MYL2: variants seen among roughly 807,000 people sequenced by gnomAD.
MYL2 encodes myosin light chain 2.
In MYL2, 19 loss-of-function variants were observed where a neutral mutation model predicts 23.0. The ratio of observed to expected loss-of-function variants is 0.83; its 90% confidence interval spans 0.58 to 1.21. The LOEUF (loss-of-function observed/expected upper bound fraction) is 1.21, where lower values mean the gene tolerates loss of function less well. Ranked by LOEUF, MYL2 falls within the 50% of genes most tolerant of loss-of-function variation. The pLI, the probability that MYL2 is intolerant of heterozygous loss-of-function variation, is 0.00. For missense variants in MYL2, 180 were observed against 215.1 expected (o/e 0.84, Z 1.02); for synonymous variants, 78 against 76.2 (o/e 1.02, Z -0.13).
rs750901433 is a variant in MYL2 at position 110,913,260 on chromosome 12, C to A, written c.339G>T (p.Val113=). 6.2e-7 allele frequency: 1 copy of A among 1,614,242 alleles called. No individual in the cohort carries two copies. Among genetic ancestry groups the A allele is most frequent in the South Asian group, 1.1e-5 (1 of 91,090 alleles). ...FKVFDPEGKG[V]LKADYVREML... ...ACCCCACTCACTAATCAGCCTTCAG[C>A]ACCCCTTTGCCTTCAGGGTCAAACA... Residue 113 remains valine, a synonymous_variant, in exon 5 of 7, where the codon GTG becomes GTT. Transcript: ENST00000228841.
intron 6 of MYL2, among the ~76,000 whole-genome samples, chr12:110,912,582 C>G (rs1375190509): frequency 1.3e-5 from 2 of 152,174 alleles, no homozygotes; most frequent in Non-Finnish European, 2.9e-5. Flanking sequence ...ATTTTTGAGA[C>G]AGAGTCTTGC....
Position 110,920,562 on chromosome 12 carries a change from G to A in MYL2, c.-33C>T. Reference sequence around the variant, plus strand: ...AGGACCCAGCACTGCCTCCCGAGAAGAATTCCACACTCCGCCCAGCTCTCT... The same window carrying A: ...AGGACCCAGCACTGCCTCCCGAGAAAAATTCCACACTCCGCCCAGCTCTCT... On this transcript the variant is annotated 5_prime_UTR_variant, in exon 1 of 7. Transcript: ENST00000228841. The A allele has an allele frequency of 1.2e-6, 2 of 1,614,132 alleles. No individual in the cohort carries two copies. Among genetic ancestry groups the A allele is most frequent in the Non-Finnish European group, 1.7e-6 (2 of 1,180,032 alleles).
At chr12:110,915,256 T>C (rs781677406) in intron 3 of MYL2, among the ~76,000 whole-genome samples, 1 of 152,196 alleles carries the variant, frequency 6.6e-6, no homozygotes, top group Non-Finnish European at 1.5e-5. Context: ...AGAAACTCCA[T>C]GTACTCATGC....
chr12:110,920,968 T>C (rs1592803509), upstream of MYL2, among the ~76,000 whole-genome samples: 1 of 152,218 alleles, frequency 6.6e-6, no homozygotes, highest in East Asian at 1.9e-4. Flanking sequence ...GGAATGTCTT[T>C]CTGTCAGTCA....
At chr12:110,911,946 C>T (rs1468135606) in intron 6 of MYL2, among the ~76,000 whole-genome samples, 5 of 152,202 alleles carry the variant, frequency 3.3e-5, no homozygotes, top group African/African-American at 1.2e-4. Context: ...ATTAACATGT[C>T]GAATCCTCGC....
rs564126602 is a variant in MYL2 at position 110,918,671 on chromosome 12, A to G, written c.93+433T>C. ...TAACCATAGGAAATGGTTTAAATACATGATAGGAAATGTTAATGGTGAATT... is the reference window on the plus strand; with the variant it reads ...TAACCATAGGAAATGGTTTAAATACGTGATAGGAAATGTTAATGGTGAATT... On this transcript the variant is annotated intron_variant, in intron 2 of 6. Transcript: ENST00000228841. This position sits in a 1 kb window ranked among gnomAD's most constrained non-coding sequence, Gnocchi z 4.4. Among the ~76,000 whole-genome samples the G allele has an allele frequency of 1.3e-5, 2 of 152,370 alleles. No individual in the cohort carries two copies. Among genetic ancestry groups the G allele is most frequent in the South Asian group, 4.1e-4 (2 of 4,832 alleles).
chr12:110,920,559 G>A lies in MYL2; in HGVS notation c.-30C>T. 1 of 1,614,094 alleles carries A rather than the reference G, an allele frequency of 6.2e-7. No homozygotes were observed. Among genetic ancestry groups the A allele is most frequent in the Non-Finnish European group, 8.5e-7 (1 of 1,180,024 alleles). Reference sequence around the variant, plus strand: ...GAAAGGACCCAGCACTGCCTCCCGAGAAGAATTCCACACTCCGCCCAGCTC... The same window carrying A: ...GAAAGGACCCAGCACTGCCTCCCGAAAAGAATTCCACACTCCGCCCAGCTC... On this transcript the variant is annotated 5_prime_UTR_variant, in exon 1 of 7. Coordinates refer to ENST00000228841, the MANE Select transcript of MYL2 (RefSeq NM_000432.4).
In MYL2 at chr12:110,913,760, T is replaced by G. The variant is rs2071669902; in HGVS notation, c.274+426A>C. Among the ~76,000 whole-genome samples the G allele has an allele frequency of 2.0e-5, 3 of 152,174 alleles. No individual in the cohort carries two copies. The South Asian group carries it at 6.2e-4, about 32-fold the overall frequency. On this transcript the variant is annotated intron_variant, in intron 4 of 6. Transcript: ENST00000228841. ...TAGTTGCTGTGTTTTTGTTTTGTTT[T>G]GTTTTGTTTTGAGACAGAGTCTCAC...
intron 6 of MYL2, 67 bp from the exon 7 acceptor site, chr12:110,911,242 GTGGGCGGGGCCTGAGTGGACGGATAGCT>G: frequency 8.9e-6 from 5 of 564,292 alleles, no homozygotes; most frequent in Admixed American, 4.6e-5. Context: ...GTGGGGGGCT[GTGGGCGGGGCCTGAGTGGACGGATAGCT>G]GGGGGGTGGG....
At chr12:110,920,290 A>T (rs1313364185) in intron 1 of MYL2, among the ~76,000 whole-genome samples, 1 of 138,244 alleles carries the variant, frequency 7.2e-6, no homozygotes, top group Non-Finnish European at 1.6e-5. Context: ...GACAAGCCAT[A>T]AAAAAGCCAA....
chr12:110,910,872 G>GT lies in MYL2; in HGVS notation c.*204_*205insA. 3.3e-6 allele frequency: 2 copies of GT among 610,132 alleles called. 1 individual carries two copies. Among genetic ancestry groups the GT allele is most frequent in the Middle Eastern group, 8.6e-4 (2 of 2,314 alleles). The allele number at this position is 610,132 out of a possible 1,614,324, so 37.8% of individuals were successfully genotyped here. ...CACGACCTCCTGTTTATTGGAACAT[G>GT]GCCTCTGGATGGATTTCCAACTGTA... is the stretch of plus-strand genomic sequence containing the variant. On this transcript the variant is annotated 3_prime_UTR_variant, in exon 7 of 7. Coordinates refer to ENST00000228841, the MANE Select transcript of MYL2 (RefSeq NM_000432.4).
intron 2 of MYL2, among the ~76,000 whole-genome samples, chr12:110,917,938 G>C (rs185554514): frequency 1.3e-5 from 2 of 152,276 alleles, no homozygotes; most frequent in Admixed American, 1.3e-4. Flanking sequence ...ACAAAAATTA[G>C]CTGGGCACAG....
rs1206483250 is a variant in MYL2, at chr12:110,911,192, A to G, written c.403-17T>C. On this transcript the variant is annotated splice_polypyrimidine_tract_variant and intron_variant, in intron 6 of 6. Transcript: ENST00000228841. The stretch of plus-strand genomic sequence containing the variant: ...CTGGTCAACCTGCAATGAGCCAGCA[A>G]CACGTGCTAAGGACGAGGGGAGGGG... 9.7e-6 allele frequency: 13 copies of G among 1,342,386 alleles called. No individual in the cohort carries two copies. The highest frequency in any genetic ancestry group is 1.3e-5 in the Non-Finnish European group (13 of 999,700). 83.2% of individuals were successfully genotyped at this position (1,342,386 alleles called of 1,614,324 possible). A position where few individuals can be genotyped will look rare whatever the true frequency, so the allele number is the denominator to read the frequency against.
chr12:110,910,899 G>T lies in MYL2; in HGVS notation c.*178C>A, dbSNP rs954600696. 3.1e-6 allele frequency: 2 copies of T among 652,504 alleles called. No individual in the cohort carries two copies. Among genetic ancestry groups the T allele is most frequent in the Non-Finnish European group, 5.6e-6 (2 of 358,666 alleles). 40.4% of individuals were successfully genotyped at this position (652,504 alleles called of 1,614,324 possible). A position where few individuals can be genotyped will look rare whatever the true frequency, so the allele number is the denominator to read the frequency against. ...CCTCTGGATGGATTTCCAACTGTAG[G>T]ATGTGCGGCCACGAAGTACCCATAG... is the stretch of plus-strand genomic sequence containing the variant. On this transcript the variant is annotated 3_prime_UTR_variant, in exon 7 of 7. Transcript: ENST00000228841.
intron 4 of MYL2, among the ~76,000 whole-genome samples, chr12:110,913,795 A>G (rs916164): frequency 6.6e-5 from 10 of 151,974 alleles, no homozygotes; most frequent in Admixed American, 2.6e-4. Context: ...CCTTGTTACC[A>G]AGGCCGGAGT....
intron 6 of MYL2, among the ~76,000 whole-genome samples, chr12:110,911,687 A>T (rs946710491): frequency 3.3e-5 from 5 of 152,148 alleles, no homozygotes; most frequent in Non-Finnish European, 5.9e-5. Context: ...AAGGGTTCCG[A>T]GGGGCCAGGC....
chr12:110,912,611 G>A (rs1467267830), intron 6 of MYL2, among the ~76,000 whole-genome samples: 1 of 152,204 alleles, frequency 6.6e-6, no homozygotes, highest in Non-Finnish European at 1.5e-5. Context: ...CCAGACTGGA[G>A]TGCAGTGGCA....
chr12:110,920,908 A>G (rs1373013837), upstream of MYL2, among the ~76,000 whole-genome samples: 2 of 152,234 alleles, frequency 1.3e-5, no homozygotes, highest in African/African-American at 4.8e-5. Flanking sequence ...GCTCTGTTTT[A>G]TCAGCCTGGA....
At chr12:110,913,017 AG>A in intron 6 of MYL2, 78 bp downstream of exon 6, 1 of 1,504,442 alleles carries the variant, frequency 6.6e-7, no homozygotes. Context: ...GGGGTGCTTT[AG>A]ACGAGAGGGG....
Sources: gnomAD v4.1 joint callset for allele counts (sites outside exome capture counted in the v4.1 genomes callset) on GRCh38, gnomAD v4.1.1 for gene constraint, Gnocchi (gnomAD v3.1) non-coding constraint, MANE v1.5 for transcripts, NCBI Gene and HGNC (gene_info 2026-07-23, HGNC 2026-07-21) for gene names.